Variants in EXT1 observed in about 807,000 individuals in gnomAD.
EXT1 encodes the protein exostosin-1.
A neutral mutation model predicts 82.5 loss-of-function variants in EXT1; 20 were observed. The ratio of observed to expected loss-of-function variants is 0.24; its 90% CI spans 0.17 to 0.35. The LOEUF (loss-of-function observed/expected upper bound fraction) is 0.35. EXT1 is among the 10% of genes least tolerant of loss of function. The pLI is 1.00. For synonymous variants in EXT1, 348 were observed against 350.8 expected, an observed-to-expected ratio of 0.99 and a Z score of 0.09; for missense variants, 757 against 936.5, an observed-to-expected ratio of 0.81 and a Z score of 2.50.
chr8:118,017,512 A>G (rs1011328699), intron 1 of EXT1, among the ~76,000 whole-genome samples: 1 of 151,752 alleles, frequency 6.6e-6, no homozygotes, highest in African/African-American at 2.4e-5. Context: ...CCCCTCCACC[A>G]CTGTATCTCC....
intron 1 of EXT1, among the ~76,000 whole-genome samples, chr8:117,859,611 A>G (rs1278273026): frequency 6.6e-6 from 1 of 152,246 alleles, no homozygotes; most frequent in African/African-American, 2.4e-5. Flanking sequence ...AGCAAGAGCC[A>G]AAAGAAAAAT....
chr8:118,002,528 C>CTTTTTTTTTTTTTTT (rs60354141), intron 1 of EXT1, among the ~76,000 whole-genome samples: 2 of 87,096 alleles, frequency 2.3e-5, no homozygotes, highest in Non-Finnish European at 4.3e-5. Context: ...GAATATTTTT[C>CTTTTTTTTTTTTTTT]TTTTTTTTTT....
chr8:117,920,165 C>T (rs1286012785), intron 1 of EXT1, among the ~76,000 whole-genome samples: 2 of 152,058 alleles, frequency 1.3e-5, no homozygotes, highest in Non-Finnish European at 2.9e-5. Context: ...AATGCAGTGA[C>T]GCGATCTCGG....
At chr8:118,046,833 G>A (rs1424215222) in intron 1 of EXT1, among the ~76,000 whole-genome samples, 1 of 152,180 alleles carries the variant, frequency 6.6e-6, no homozygotes, top group Non-Finnish European at 1.5e-5. Context: ...AGAAAAGATC[G>A]TGCAGAAAAT....
At position 118,110,972 on chromosome 8, in the gene EXT1, G is replaced by T; in HGVS notation, c.75C>A (p.Gly25=). ...SCLALLFYFG[G]LQFRASRSHS... ...GGCTCCTCGATGCCCTAAACTGCAA[G>T]CCTCCGAAATAAAACAAAAGGGCGA... The change falls in exon 1 of 11, where the codon GGC becomes GGA. Residue 25 remains glycine, a synonymous_variant. Coordinates refer to ENST00000378204, the MANE Select transcript of EXT1 (RefSeq NM_000127.3). The T allele has an allele frequency of 6.2e-7, 1 of 1,611,202 alleles. No homozygotes were observed.
At chr8:117,984,735 C>T (rs1247532723) in intron 1 of EXT1, among the ~76,000 whole-genome samples, 1 of 152,054 alleles carries the variant, frequency 6.6e-6, no homozygotes, top group African/African-American at 2.4e-5. Flanking sequence ...ATTCTGAAGG[C>T]CTGATGGAGA....
intron 1 of EXT1, among the ~76,000 whole-genome samples, chr8:118,062,427 G>T (rs190567527): frequency 6.6e-6 from 1 of 152,336 alleles, no homozygotes; most frequent in East Asian, 1.9e-4. Context: ...GACTCAGGAA[G>T]CAGAGGAGAA....
At chr8:117,939,349 C>A (rs767130276) in intron 1 of EXT1, among the ~76,000 whole-genome samples, 25 of 152,048 alleles carry the variant, frequency 1.6e-4, no homozygotes, top group African/African-American at 6.0e-4. Context: ...GCAGGTGGGT[C>A]ACCTGAGGTA....
intron 1 of EXT1, among the ~76,000 whole-genome samples, chr8:118,082,426 C>T (rs533125176): frequency 2.6e-5 from 4 of 152,104 alleles, no homozygotes; most frequent in Non-Finnish European, 4.4e-5. Flanking sequence ...CTTAAGATTA[C>T]GGCTGGAAAT....
chr8:117,984,734 G>C (rs1815280089), intron 1 of EXT1, among the ~76,000 whole-genome samples: 1 of 152,154 alleles, frequency 6.6e-6, no homozygotes, highest in Non-Finnish European at 1.5e-5. Context: ...CATTCTGAAG[G>C]CCTGATGGAG....
intron 1 of EXT1, among the ~76,000 whole-genome samples, chr8:118,061,042 C>CA (rs914601641): frequency 3.0e-4 from 46 of 152,216 alleles, no homozygotes; most frequent in African/African-American, 1.0e-3. Context: ...ATCACAGAGA[C>CA]AAAAAATTCC....
chr8:118,040,398 T>C (rs1422855821), intron 1 of EXT1, among the ~76,000 whole-genome samples: 1 of 152,244 alleles, frequency 6.6e-6, no homozygotes, highest in African/African-American at 2.4e-5. Context: ...ATTTTGAACA[T>C]GTTTCACACC....
chr8:118,002,335 A>G (rs979429925), intron 1 of EXT1, among the ~76,000 whole-genome samples: 9 of 144,572 alleles, frequency 6.2e-5, no homozygotes, highest in Non-Finnish European at 1.0e-4. Flanking sequence ...GAGTCGAGAT[A>G]GCACCATTGC....
intron 1 of EXT1, among the ~76,000 whole-genome samples, chr8:117,978,347 CA>C (rs1164090300): frequency 6.6e-6 from 1 of 152,154 alleles, no homozygotes; most frequent in Non-Finnish European, 1.5e-5. Flanking sequence ...CAAGTGGTTA[CA>C]AAATAGAAAC....
chr8:117,811,836 G>A (rs1001005644), intron 8 of EXT1, among the ~76,000 whole-genome samples: 2 of 152,028 alleles, frequency 1.3e-5, no homozygotes, highest in Non-Finnish European at 2.9e-5. Flanking sequence ...GGCTGGTCTC[G>A]AACTCCTGAC....
chr8:118,074,923 A>T (rs1041854398), intron 1 of EXT1, among the ~76,000 whole-genome samples: 1 of 152,196 alleles, frequency 6.6e-6, no homozygotes, highest in Non-Finnish European at 1.5e-5. Context: ...CTGGAAGCTC[A>T]GGGAGAGGAG....
intron 3 of EXT1, among the ~76,000 whole-genome samples, chr8:117,832,200 T>C (rs1300675777): frequency 6.6e-6 from 1 of 152,156 alleles, no homozygotes; most frequent in Non-Finnish European, 1.5e-5. Context: ...GGCATCACTG[T>C]TTTATCGTAG....
chr8:118,071,194 T>C (rs1237286237), intron 1 of EXT1, among the ~76,000 whole-genome samples: 3 of 152,340 alleles, frequency 2.0e-5, no homozygotes, highest in African/African-American at 7.2e-5. Context: ...GCAGTGTCTG[T>C]CAGCATTTCC....
intron 1 of EXT1, among the ~76,000 whole-genome samples, chr8:117,934,256 G>GA (rs372535933): frequency 0.081 from 11,845 of 146,958 alleles, 674 homozygotes; most frequent in African/African-American, 0.16. Context: ...AGTATTAAAT[G>GA]AAAAAAAAAA....
Sources: allele counts gnomAD v4.1 joint callset (sites outside exome capture counted in the v4.1 genomes callset), GRCh38; gene constraint gnomAD v4.1.1; transcripts MANE v1.5; gene names NCBI Gene and HGNC (gene_info 2026-07-23, HGNC 2026-07-21).